FBN2: variants seen among roughly 807,000 people sequenced by gnomAD.
FBN2 encodes the protein fibrillin-2.
In FBN2, 105 loss-of-function variants were observed where a neutral mutation model predicts 355.6. The ratio of observed to expected loss-of-function variants is 0.30; its 90% CI spans 0.25 to 0.35. The LOEUF is 0.35. Among genes scored for constraint, FBN2 ranks in the 10% least tolerant of loss-of-function variants. FBN2 has a pLI of 1.00. For synonymous variants in FBN2, 1,350 were observed against 1,301.2 expected, an observed-to-expected ratio of 1.04 and a Z score of -0.81; for missense variants, 3,280 against 3,758.7, an observed-to-expected ratio of 0.87 and a Z score of 3.33.
chr5:128,273,699 T>C (rs970322815), intron 61 of FBN2, 141 bp downstream of exon 61: 6 of 818,488 alleles, frequency 7.3e-6, no homozygotes, highest in Admixed American at 2.3e-5. Context: ...TAGAAATTTA[T>C]GACCAGGAAT....
chr5:128,333,136 A>G (rs111394223), intron 31 of FBN2, 102 bp from the exon 32 acceptor site: 1 of 1,042,444 alleles, frequency 9.6e-7, no homozygotes, highest in Non-Finnish European at 1.5e-6. Flanking sequence ...TAAAGATGCA[A>G]CCGTATGGAG....
At chr5:128,283,468 T>C (rs1266781600) in intron 55 of FBN2, among the ~76,000 whole-genome samples, 1 of 152,210 alleles carries the variant, frequency 6.6e-6, no homozygotes, top group Non-Finnish European at 1.5e-5. Flanking sequence ...GCCACTTTAG[T>C]TCTCAGGACA....
intron 5 of FBN2, among the ~76,000 whole-genome samples, chr5:128,502,055 G>C (rs994666155): frequency 1.3e-5 from 2 of 151,894 alleles, no homozygotes; most frequent in Non-Finnish European, 2.9e-5. Flanking sequence ...AAAACCCTTT[G>C]GGTATCCAGG....
chr5:128,369,105 G>A, intron 16 of FBN2, 77 bp downstream of exon 16: 1 of 1,393,552 alleles, frequency 7.2e-7, no homozygotes, highest in Non-Finnish European at 1.0e-6. Flanking sequence ...CTTAAGAGCT[G>A]ATGTTCTCTT....
At chr5:128,367,820 C>T (rs1269853174) in intron 16 of FBN2, among the ~76,000 whole-genome samples, 3 of 151,776 alleles carry the variant, frequency 2.0e-5, no homozygotes, top group African/African-American at 7.3e-5. Context: ...TGATAATATG[C>T]ATAATTCAGT....
chr5:128,382,528 C>T (rs1471587509), intron 11 of FBN2, among the ~76,000 whole-genome samples: 1 of 152,090 alleles, frequency 6.6e-6, no homozygotes, highest in African/African-American at 2.4e-5. Flanking sequence ...AAATCTGTAA[C>T]TCTACCCCGG....
chr5:128,298,686 A>G (rs910891228), intron 48 of FBN2, among the ~76,000 whole-genome samples: 55 of 152,298 alleles, frequency 3.6e-4, no homozygotes, highest in Admixed American at 2.5e-3. Context: ...TTTCAGCTCC[A>G]TCAGCTCCTT....
At chr5:128,528,465 G>A (rs1156869610) in intron 3 of FBN2, among the ~76,000 whole-genome samples, 1 of 152,208 alleles carries the variant, frequency 6.6e-6, no homozygotes, top group Admixed American at 6.5e-5. Context: ...CTGGAGCCAA[G>A]AAGGAGCTTA....
At chr5:128,449,406 T>TATACAGTATAC (rs1217978674) in intron 6 of FBN2, among the ~76,000 whole-genome samples, 1 of 100,928 alleles carries the variant, frequency 9.9e-6, no homozygotes, top group African/African-American at 5.2e-5. Flanking sequence ...TACTGTATAA[T>TATACAGTATAC]TATATAGTAT....
chr5:128,335,009 T>A (rs1750797803), intron 30 of FBN2, among the ~76,000 whole-genome samples, 161 bp downstream of exon 30: 1 of 152,226 alleles, frequency 6.6e-6, no homozygotes, highest in Admixed American at 6.5e-5. Context: ...CCTTTAGACA[T>A]TTTTAAAAGT....
chr5:128,432,714 T>TA lies in FBN2; in HGVS notation c.952+13766dup, dbSNP rs921111059. Among the ~76,000 whole-genome samples, 15 of 152,136 alleles carry TA rather than the reference T, an allele frequency of 9.9e-5. 1 individual carries two copies. Among genetic ancestry groups the TA allele is most frequent in the Middle Eastern group, 3.4e-3 (1 of 294 alleles). ...ATTTTATTTTAATAGTCATAAGTGATAAAAAAAAGTTTTAATAAAACTAGT... is the reference window on the plus strand; with the variant it reads ...ATTTTATTTTAATAGTCATAAGTGATAAAAAAAAAGTTTTAATAAAACTAGT... On this transcript the variant is annotated intron_variant, in intron 7 of 64. Transcript: ENST00000262464.
At chr5:128,402,682 A>T (rs1182557641) in intron 8 of FBN2, among the ~76,000 whole-genome samples, 1 of 152,198 alleles carries the variant, frequency 6.6e-6, no homozygotes, top group African/African-American at 2.4e-5. Context: ...CACCAATGAG[A>T]TTAGCCCAGG....
At position 128,470,893 on chromosome 5, in the gene FBN2, C is replaced by T. The variant is rs984297291; in HGVS notation, c.629-5972G>A. 2.0e-5 allele frequency among the ~76,000 whole-genome samples: 3 copies of T among 152,272 alleles called. No individual in the cohort carries two copies. In the South Asian group the frequency reaches 6.2e-4, roughly 32 times the overall value. On this transcript the variant is annotated intron_variant, in intron 5 of 64. Transcript: ENST00000262464. ...CATACTTTAATGTAAATGTCATTCCCTGGAGTTGTGCAATGGAATGACAAT... is the reference window on the plus strand; with the variant it reads ...CATACTTTAATGTAAATGTCATTCCTTGGAGTTGTGCAATGGAATGACAAT...
rs375913490 is a variant in FBN2 at position 128,276,857 on chromosome 5, C to T, written c.7472-697G>A. On this transcript the variant is annotated intron_variant, in intron 58 of 64. Coordinates refer to ENST00000262464, the MANE Select transcript of FBN2 (RefSeq NM_001999.4). ...CCAGGGGTAGTACAGCCCCAGCACA[C>T]AGCACTACGCCTCCTGGCTTTTGTG... Among the ~76,000 whole-genome samples the T allele has an allele frequency of 1.7e-3, 260 of 152,310 alleles. 5 individuals are homozygous for T. In the South Asian group the frequency reaches 0.051, roughly 30 times the overall value.
intron 8 of FBN2, among the ~76,000 whole-genome samples, chr5:128,400,812 A>T (rs1254657740): frequency 6.6e-6 from 1 of 152,218 alleles, no homozygotes; most frequent in Non-Finnish European, 1.5e-5. Flanking sequence ...AAATGCTGAT[A>T]TGGTTTGGTT....
intron 46 of FBN2, among the ~76,000 whole-genome samples, chr5:128,301,883 C>T (rs1581200607): frequency 1.3e-5 from 2 of 152,092 alleles, no homozygotes; most frequent in African/African-American, 2.4e-5. Context: ...TTTGCATATA[C>T]TTTACCTGGA....
intron 27 of FBN2, 151 bp from the exon 28 acceptor site, chr5:128,336,264 G>A: frequency 1.3e-6 from 1 of 790,376 alleles, no homozygotes; most frequent in Non-Finnish European, 2.2e-6. Flanking sequence ...AGAAAATGCT[G>A]GATTCTCTAT....
intron 2 of FBN2, among the ~76,000 whole-genome samples, chr5:128,535,416 T>A (rs1756819733): frequency 6.6e-6 from 1 of 152,194 alleles, no homozygotes; most frequent in Admixed American, 6.5e-5. Context: ...CACAGTTGCA[T>A]AATTATTTTC....
At chr5:128,537,254 A>T (rs1756875929) in intron 1 of FBN2, 96 bp downstream of exon 1, 1 of 1,549,406 alleles carries the variant, frequency 6.5e-7, no homozygotes, top group Non-Finnish European at 8.7e-7. Flanking sequence ...CTCCAGCTAA[A>T]GGGTCTGGGA....
Sources: gnomAD v4.1 joint callset for allele counts (sites outside exome capture counted in the v4.1 genomes callset) on GRCh38, gnomAD v4.1.1 for gene constraint, MANE v1.5 for transcripts, NCBI Gene and HGNC (gene_info 2026-07-23, HGNC 2026-07-21) for gene names.